Variants in CALN1 observed in about 807,000 individuals in gnomAD.
CALN1 encodes calcium-binding protein 8.
In CALN1, 17 loss-of-function variants were observed where a neutral mutation model predicts 30.6. The ratio of observed to expected loss-of-function variants is 0.56; its 90% CI spans 0.38 to 0.83. The LOEUF (loss-of-function observed/expected upper bound fraction) is 0.83. CALN1 is among the 40% of genes least tolerant of loss of function. The pLI, the probability that CALN1 is intolerant of heterozygous loss-of-function variation, is 0.00. For synonymous variants in CALN1, 156 were observed against 131.4 expected, an observed-to-expected ratio of 1.19 and a Z score of -1.28; for missense variants, 291 against 354.9, an observed-to-expected ratio of 0.82 and a Z score of 1.45.
the CALN1 span, among the ~76,000 whole-genome samples, chr7:72,453,282 T>A: frequency 6.6e-6 from 1 of 152,248 alleles, no homozygotes; most frequent in African/African-American, 2.4e-5. Flanking sequence ...TGCTCCTGCA[T>A]AGCAGGGCTA....
chr7:72,290,907 T>C (rs909714201), intron 2 of CALN1, among the ~76,000 whole-genome samples: 32 of 146,126 alleles, frequency 2.2e-4, no homozygotes, highest in African/African-American at 7.9e-4. Context: ...ATTCCTATAC[T>C]TTCTTTCACC....
chr7:72,094,415 C>G (rs1242250187), intron 4 of CALN1, among the ~76,000 whole-genome samples: 1 of 152,118 alleles, frequency 6.6e-6, no homozygotes, highest in Non-Finnish European at 1.5e-5. Flanking sequence ...CCACAACACC[C>G]AGCTAATTCT....
At chr7:71,942,159 T>C (rs150820728) in intron 5 of CALN1, 1,827 of 157,472 alleles carry the variant, frequency 0.012, 34 homozygotes, top group African/African-American at 0.04. Context: ...GATCACATCA[T>C]TGCACTCCAG....
chr7:72,051,589 T>G (rs938922533), intron 4 of CALN1, among the ~76,000 whole-genome samples: 2 of 152,200 alleles, frequency 1.3e-5, no homozygotes, highest in Non-Finnish European at 2.9e-5. Flanking sequence ...GAAAAGCTAA[T>G]ATAACTCTCA....
chr7:72,339,068 G>A (rs1356833383), intron 2 of CALN1, among the ~76,000 whole-genome samples: 4 of 147,844 alleles, frequency 2.7e-5, no homozygotes, highest in Non-Finnish European at 5.9e-5. Flanking sequence ...GAAAACATGT[G>A]ATGTTTGTCT....
At chr7:72,224,103 A>AC (rs1458141054) in intron 3 of CALN1, among the ~76,000 whole-genome samples, 1 of 152,110 alleles carries the variant, frequency 6.6e-6, no homozygotes, top group Non-Finnish European at 1.5e-5. Flanking sequence ...CACACAATAT[A>AC]CCCTTGTAAT....
chr7:72,372,823 AT>A (rs1013192049), intron 2 of CALN1, among the ~76,000 whole-genome samples: 1 of 152,214 alleles, frequency 6.6e-6, no homozygotes, highest in Non-Finnish European at 1.5e-5. Flanking sequence ...ACGTAACAAA[AT>A]ACTCAAAATG....
chr7:71,805,215 CTCT>C (rs1379446900), intron 6 of CALN1, among the ~76,000 whole-genome samples: 1 of 152,164 alleles, frequency 6.6e-6, no homozygotes, highest in Non-Finnish European at 1.5e-5. Flanking sequence ...GGCAGATGGG[CTCT>C]TCCACCTTCT....
intron 5 of CALN1, among the ~76,000 whole-genome samples, chr7:71,935,662 C>T (rs890283602): frequency 5.3e-5 from 8 of 152,144 alleles, no homozygotes; most frequent in Non-Finnish European, 1.0e-4. Context: ...GGAGAAGTTG[C>T]GGTGAGCGGA....
intron 4 of CALN1, among the ~76,000 whole-genome samples, chr7:72,089,694 G>A (rs1295076235): frequency 6.6e-6 from 1 of 151,986 alleles, no homozygotes; most frequent in Non-Finnish European, 1.5e-5. Flanking sequence ...AAAATCAACA[G>A]GACTCAAAAG....
chr7:71,833,786 G>A (rs917388451), intron 5 of CALN1, among the ~76,000 whole-genome samples: 1 of 151,968 alleles, frequency 6.6e-6, no homozygotes, highest in Non-Finnish European at 1.5e-5. Context: ...AGTGGTACAG[G>A]CCTGTCATAA....
chr7:72,170,586 A>C (rs1053924929), intron 3 of CALN1, among the ~76,000 whole-genome samples: 5 of 152,230 alleles, frequency 3.3e-5, no homozygotes, highest in African/African-American at 1.2e-4. Context: ...TCCAGAGAAC[A>C]GAGAACATCA....
chr7:72,206,037 A>G (rs544452733), intron 3 of CALN1, among the ~76,000 whole-genome samples: 1 of 152,248 alleles, frequency 6.6e-6, no homozygotes, highest in South Asian at 2.1e-4. Context: ...TAGCAGCACC[A>G]CTTTTCATTA....
At chr7:72,034,083 G>A (rs1389589153) in intron 4 of CALN1, among the ~76,000 whole-genome samples, 2 of 152,162 alleles carry the variant, frequency 1.3e-5, no homozygotes, top group African/African-American at 4.8e-5. Context: ...GCCAGGTGCG[G>A]TGGCTCACGC....
At chr7:72,410,784 A>G (rs1807074747) in intron 1 of CALN1, among the ~76,000 whole-genome samples, 1 of 151,882 alleles carries the variant, frequency 6.6e-6, no homozygotes, top group Non-Finnish European at 1.5e-5. Context: ...CCTCCGTATC[A>G]GCTCACGAGC....
intron 5 of CALN1, among the ~76,000 whole-genome samples, chr7:72,011,160 GAAAA>G (rs199500589): frequency 6.9e-6 from 1 of 145,238 alleles, no homozygotes; most frequent in South Asian, 2.2e-4. Flanking sequence ...AAAAAAAAAA[GAAAA>G]AAAACAAAAA....
chr7:72,344,553 AAT>A (rs560975780), intron 2 of CALN1, among the ~76,000 whole-genome samples: 39 of 147,054 alleles, frequency 2.7e-4, no homozygotes, highest in Admixed American at 8.9e-4. Flanking sequence ...TGAGGGGATA[AAT>A]ATATATATAT....
chr7:71,837,137 C>A (rs1028270303), intron 5 of CALN1, among the ~76,000 whole-genome samples: 3 of 148,212 alleles, frequency 2.0e-5, no homozygotes, highest in African/African-American at 7.4e-5. Flanking sequence ...GAGGCTGAGG[C>A]ACGAGAATCA....
At chr7:72,234,759 G>A (rs1348472558) in intron 3 of CALN1, among the ~76,000 whole-genome samples, 1 of 152,012 alleles carries the variant, frequency 6.6e-6, no homozygotes, top group Non-Finnish European at 1.5e-5. Flanking sequence ...AAGTCCACTT[G>A]TCTTATCTTC....
Sources: gnomAD v4.1 joint callset for allele counts (sites outside exome capture counted in the v4.1 genomes callset) on GRCh38, gnomAD v4.1.1 for gene constraint, MANE v1.5 for transcripts, NCBI Gene and HGNC (gene_info 2026-07-23, HGNC 2026-07-21) for gene names.